SLC44A5: variants seen among roughly 807,000 people sequenced by gnomAD.
SLC44A5 encodes choline transporter-like protein 5.
A neutral mutation model predicts 101.8 loss-of-function variants in SLC44A5; 57 were observed. The observed-to-expected ratio is 0.56, with a 90% CI of 0.45 to 0.70. The LOEUF is 0.70. Ranked by LOEUF, SLC44A5 falls within the 30% of genes least tolerant of loss-of-function variation. The probability of loss-of-function intolerance (pLI) is 0.00; values close to 1 mark genes in which losing one functional copy is unlikely to be tolerated. For synonymous variants in SLC44A5, 281 were observed against 290.9 expected (o/e 0.97, Z 0.35); for missense variants, 737 against 853.1 (o/e 0.86, Z 1.70).
At chr1:75,619,047 G>A in the SLC44A5 span, among the ~76,000 whole-genome samples, 1 of 129,070 alleles carries the variant, frequency 7.7e-6, no homozygotes, top group Non-Finnish European at 1.6e-5. Flanking sequence ...TCCAGTCTGG[G>A]CAACAAGAGC....
At chr1:75,328,442 G>A (rs920467325) in intron 4 of SLC44A5, among the ~76,000 whole-genome samples, 2 of 152,152 alleles carry the variant, frequency 1.3e-5, no homozygotes, top group African/African-American at 4.8e-5. Flanking sequence ...AAGGTGAAGG[G>A]TCAGGTGAAT....
intron 7 of SLC44A5, among the ~76,000 whole-genome samples, chr1:75,244,823 A>G (rs1648972832): frequency 6.6e-6 from 1 of 152,082 alleles, no homozygotes; most frequent in Admixed American, 6.6e-5. Context: ...CAAAAGTCAG[A>G]TGAAGCCATG....
chr1:75,715,983 G>A, the SLC44A5 span, among the ~76,000 whole-genome samples: 17 of 151,980 alleles, frequency 1.1e-4, no homozygotes, highest in Non-Finnish European at 1.5e-4. Context: ...AAACAATTCC[G>A]TTAAAAAGTA....
chr1:75,306,938 C>T (rs574188387), intron 4 of SLC44A5, among the ~76,000 whole-genome samples: 4 of 151,892 alleles, frequency 2.6e-5, no homozygotes, highest in African/African-American at 9.7e-5. Context: ...CGGGGTTTCA[C>T]CGTGTTAGCC....
At chr1:75,398,923 C>T (rs1185182120) in intron 2 of SLC44A5, among the ~76,000 whole-genome samples, 2 of 151,752 alleles carry the variant, frequency 1.3e-5, no homozygotes, top group Non-Finnish European at 2.9e-5. Context: ...AGTTCTTGGA[C>T]ATTCACCCTG....
chr1:75,534,050 A>G (rs145723224), intron 2 of SLC44A5, among the ~76,000 whole-genome samples: 378 of 152,276 alleles, frequency 2.5e-3, no homozygotes, highest in African/African-American at 8.7e-3. Context: ...CCTCCTGCCA[A>G]CTGGATCTGC....
At chr1:75,675,386 GTT>G in the SLC44A5 span, among the ~76,000 whole-genome samples, 41 of 152,134 alleles carry the variant, frequency 2.7e-4, no homozygotes, top group South Asian at 8.3e-3. Flanking sequence ...GTGAGTGGGA[GTT>G]TTTTTCACGA....
At chr1:75,346,827 T>C (rs1048102829) in intron 3 of SLC44A5, among the ~76,000 whole-genome samples, 4 of 152,142 alleles carry the variant, frequency 2.6e-5, no homozygotes, top group Non-Finnish European at 4.4e-5. Flanking sequence ...TATTTTCCTC[T>C]AGTTTCAAAG....
At chr1:75,431,743 C>T (rs548987325) in intron 2 of SLC44A5, among the ~76,000 whole-genome samples, 58 of 152,012 alleles carry the variant, frequency 3.8e-4, no homozygotes, top group African/African-American at 1.4e-3. Flanking sequence ...AGGTTTTTGA[C>T]GACATAGCAA....
At chr1:75,358,001 C>T (rs1167204062) in intron 3 of SLC44A5, among the ~76,000 whole-genome samples, 1 of 111,188 alleles carries the variant, frequency 9.0e-6, no homozygotes, top group Non-Finnish European at 2.0e-5. Context: ...TTCAATGTCA[C>T]TTACACACAC....
At chr1:75,277,638 T>C (rs1652036738) in intron 5 of SLC44A5, among the ~76,000 whole-genome samples, 1 of 151,380 alleles carries the variant, frequency 6.6e-6, no homozygotes, top group East Asian at 1.9e-4. Context: ...CAGGCAATTT[T>C]GGAGCTTTTG....
chr1:75,410,896 A>T (rs899686065), intron 2 of SLC44A5, among the ~76,000 whole-genome samples: 1 of 152,166 alleles, frequency 6.6e-6, no homozygotes, highest in Non-Finnish European at 1.5e-5. Context: ...GCCACAAAGA[A>T]ATAGTGAGAC....
At chr1:75,219,984 G>A (rs1647044584) in intron 14 of SLC44A5, 92 bp from the exon 15 acceptor site, 7 of 691,072 alleles carry the variant, frequency 1.0e-5, no homozygotes, top group Middle Eastern at 5.3e-4. Flanking sequence ...AATAACCACG[G>A]ACTCTTTTTT....
At chr1:75,478,102 A>G (rs1452788331) in intron 2 of SLC44A5, among the ~76,000 whole-genome samples, 2 of 152,246 alleles carry the variant, frequency 1.3e-5, no homozygotes, top group African/African-American at 4.8e-5. Flanking sequence ...AATATTCAAC[A>G]TTCTTAAAGA....
intron 2 of SLC44A5, among the ~76,000 whole-genome samples, chr1:75,456,408 C>G (rs1452175053): frequency 6.6e-6 from 1 of 152,134 alleles, no homozygotes; most frequent in Admixed American, 6.6e-5. Context: ...ATGCTCAGTA[C>G]CTGGGTGACA....
At chr1:75,598,265 C>T (rs1254775646) in intron 1 of SLC44A5, among the ~76,000 whole-genome samples, 4 of 151,438 alleles carry the variant, frequency 2.6e-5, no homozygotes, top group Non-Finnish European at 4.4e-5. Context: ...TATTAAGAAG[C>T]CAAAAAAAAA....
chr1:75,648,695 A>G, the SLC44A5 span, among the ~76,000 whole-genome samples: 2 of 152,038 alleles, frequency 1.3e-5, no homozygotes, highest in African/African-American at 4.8e-5. Context: ...GTGTCTCCCA[A>G]TCCCTGTCAC....
intron 3 of SLC44A5, among the ~76,000 whole-genome samples, chr1:75,361,541 G>A (rs1659489592): frequency 6.6e-6 from 1 of 151,988 alleles, no homozygotes; most frequent in South Asian, 2.1e-4. Context: ...AATCTGTTGA[G>A]AGTTTTTATC....
the SLC44A5 span, among the ~76,000 whole-genome samples, chr1:75,638,512 T>G: frequency 1.3e-5 from 2 of 152,076 alleles, no homozygotes; most frequent in Non-Finnish European, 1.5e-5. Flanking sequence ...TGGTGCAGTC[T>G]AGGTTTAACT....
Sources: gnomAD v4.1 joint callset for allele counts (sites outside exome capture counted in the v4.1 genomes callset) on GRCh38, gnomAD v4.1.1 for gene constraint, MANE v1.5 for transcripts, NCBI Gene and HGNC (gene_info 2026-07-23, HGNC 2026-07-21) for gene names.